NCALD: variants seen among roughly 807,000 people sequenced by gnomAD.
NCALD encodes the protein neurocalcin delta.
Under a neutral mutation model 18.6 loss-of-function variants are expected in NCALD, and 10 were observed. The observed-to-expected ratio is 0.54, with a 90% CI of 0.33 to 0.91. NCALD has a LOEUF of 0.91. Among genes scored for constraint, NCALD ranks in the 40% least tolerant of loss-of-function variants. The pLI, the probability that NCALD is intolerant of heterozygous loss-of-function variation, is 0.03. For missense variants in NCALD, 184 were observed against 247.6 expected, an observed-to-expected ratio of 0.74 and a Z score of 1.72; for synonymous variants, 88 against 87.4, an observed-to-expected ratio of 1.01 and a Z score of -0.04.
At chr8:101,957,452 T>G (rs1819678891) in intron 2 of NCALD, among the ~76,000 whole-genome samples, 1 of 151,920 alleles carries the variant, frequency 6.6e-6, no homozygotes, top group Admixed American at 6.6e-5. Context: ...GAACTTAGCA[T>G]CCTGATGCCA....
At chr8:101,700,563 T>C (rs1310001124) in intron 2 of NCALD, among the ~76,000 whole-genome samples, 1 of 152,166 alleles carries the variant, frequency 6.6e-6, no homozygotes, top group African/African-American at 2.4e-5. Context: ...GGAGCACTCT[T>C]TGGACCTTTC....
chr8:101,767,672 G>A (rs1025691360), intron 1 of NCALD, among the ~76,000 whole-genome samples: 1 of 152,236 alleles, frequency 6.6e-6, no homozygotes, highest in African/African-American at 2.4e-5. Flanking sequence ...ACCATTCCAT[G>A]TTGGGATTTG....
At chr8:102,049,133 A>T (rs190108587) in intron 1 of NCALD, among the ~76,000 whole-genome samples, 10 of 152,302 alleles carry the variant, frequency 6.6e-5, no homozygotes, top group Non-Finnish European at 7.4e-5. Context: ...GAAGTAAATC[A>T]CTCAGGATCC....
chr8:101,942,779 C>G (rs897671666), intron 2 of NCALD, among the ~76,000 whole-genome samples: 1 of 152,138 alleles, frequency 6.6e-6, no homozygotes, highest in African/African-American at 2.4e-5. Flanking sequence ...TTAGCTTTCC[C>G]AAGGTCACAT....
At chr8:101,830,171 T>G (rs1814115537) in intron 4 of NCALD, among the ~76,000 whole-genome samples, 1 of 152,042 alleles carries the variant, frequency 6.6e-6, no homozygotes, top group Non-Finnish European at 1.5e-5. Flanking sequence ...CTCAATGGAG[T>G]GTTAATATCC....
chr8:101,856,723 C>T (rs58704718), intron 4 of NCALD, among the ~76,000 whole-genome samples: 1,834 of 152,216 alleles, frequency 0.012, 36 homozygotes, highest in African/African-American at 0.04. Context: ...CAGGCTCATC[C>T]TACTTACCCA....
intron 1 of NCALD, among the ~76,000 whole-genome samples, chr8:101,762,119 A>G (rs1811136520): frequency 6.6e-6 from 1 of 152,202 alleles, no homozygotes; most frequent in Admixed American, 6.5e-5. Context: ...AGTCTCTGTT[A>G]AATCAGCTGA....
chr8:101,735,186 A>G (rs1219944109), intron 1 of NCALD, among the ~76,000 whole-genome samples: 1 of 152,210 alleles, frequency 6.6e-6, no homozygotes, highest in Non-Finnish European at 1.5e-5. Context: ...GTAATAAACA[A>G]AACCAATTAG....
At chr8:102,106,448 T>TATATATATATATAC (rs1285396500) in intron 1 of NCALD, among the ~76,000 whole-genome samples, 2 of 84,054 alleles carry the variant, frequency 2.4e-5, no homozygotes, top group African/African-American at 4.1e-5. Flanking sequence ...GCATATAGTA[T>TATATATATATATAC]ATATATATAT....
At chr8:101,954,940 C>T (rs754449671) in intron 2 of NCALD, among the ~76,000 whole-genome samples, 2 of 152,092 alleles carry the variant, frequency 1.3e-5, no homozygotes, top group East Asian at 1.9e-4. Flanking sequence ...CCTCTCTGAG[C>T]CTCAGTTATT....
At chr8:101,931,173 A>G (rs1818558018) in intron 2 of NCALD, among the ~76,000 whole-genome samples, 1 of 152,200 alleles carries the variant, frequency 6.6e-6, no homozygotes, top group Admixed American at 6.5e-5. Flanking sequence ...TCTGGGTTCC[A>G]AGAAGCAGGG....
At chr8:101,870,881 C>T (rs940811517) in intron 4 of NCALD, among the ~76,000 whole-genome samples, 1 of 110,472 alleles carries the variant, frequency 9.1e-6, no homozygotes, top group African/African-American at 3.7e-5. Flanking sequence ...AGGGACTATG[C>T]TCTACCACCG....
chr8:101,703,661 A>G (rs1815377981), intron 2 of NCALD, among the ~76,000 whole-genome samples: 1 of 152,220 alleles, frequency 6.6e-6, no homozygotes, highest in Non-Finnish European at 1.5e-5. Flanking sequence ...GAGGGTTTCC[A>G]AGCCACAGTG....
At position 101,928,940 on chromosome 8, in the gene NCALD, G is replaced by A. The variant is rs574699249; in HGVS notation, c.-156-13082C>T. On this transcript the variant is annotated intron_variant, in intron 2 of 6. Coordinates refer to the NCALD transcript ENST00000311028. ...GACTTGAAAGGGAGGCGTGCAGGGT[G>A]TCAGGGGAGGCGAGGGGTGAGCCTG... 5.9e-5 allele frequency among the ~76,000 whole-genome samples: 9 copies of A among 152,114 alleles called. No homozygotes were observed. The South Asian group carries it at 1.9e-3, about 32-fold the overall frequency.
intron 3 of NCALD, among the ~76,000 whole-genome samples, chr8:101,887,800 CA>C (rs1347778714): frequency 6.6e-6 from 1 of 151,886 alleles, no homozygotes; most frequent in African/African-American, 2.4e-5. Context: ...AAATAAATAA[CA>C]AAATAAGGAA....
chr8:102,042,926 A>C (rs1283324400), intron 1 of NCALD, among the ~76,000 whole-genome samples: 1 of 151,860 alleles, frequency 6.6e-6, no homozygotes, highest in Non-Finnish European at 1.5e-5. Context: ...AGTGACACCA[A>C]ATCAAAACTT....
At chr8:101,886,379 AC>A (rs1416471150) in intron 4 of NCALD, among the ~76,000 whole-genome samples, 3 of 152,184 alleles carry the variant, frequency 2.0e-5, no homozygotes, top group Admixed American at 6.5e-5. Flanking sequence ...CAACTGTTTG[AC>A]CAAGTAAATA....
chr8:101,789,203 C>T (rs866281994), intron 1 of NCALD, among the ~76,000 whole-genome samples: 26 of 152,154 alleles, frequency 1.7e-4, no homozygotes, highest in Middle Eastern at 3.4e-3. Flanking sequence ...TGTTAAATGA[C>T]GGTGCTACTG....
chr8:102,003,243 T>C (rs1821549967), intron 2 of NCALD, among the ~76,000 whole-genome samples: 1 of 152,146 alleles, frequency 6.6e-6, no homozygotes, highest in Non-Finnish European at 1.5e-5. Context: ...CAGAGAATAC[T>C]ATAAACACCT....
Sources: allele counts gnomAD v4.1 joint callset (sites outside exome capture counted in the v4.1 genomes callset), GRCh38; gene constraint gnomAD v4.1.1; transcripts MANE v1.5; gene names NCBI Gene and HGNC (gene_info 2026-07-23, HGNC 2026-07-21).